Variants in CAPZA1 observed in about 807,000 individuals in gnomAD.
The protein encoded by CAPZA1 is F-actin-capping protein subunit alpha-1.
In CAPZA1, 10 loss-of-function variants were observed where a neutral mutation model predicts 40.8. The ratio of observed to expected loss-of-function variants is 0.25; its 90% confidence interval spans 0.15 to 0.42. The LOEUF (loss-of-function observed/expected upper bound fraction) is 0.42, where lower values mean the gene tolerates loss of function less well. CAPZA1 is among the 10% of genes least tolerant of loss of function. The pLI, the probability that CAPZA1 is intolerant of heterozygous loss-of-function variation, is 1.00. For synonymous variants in CAPZA1, 98 were observed against 115.0 expected (o/e 0.85, Z 0.95); for missense variants, 277 against 353.8 (o/e 0.78, Z 1.74).
chr1:112,642,202 CTTTTTTTTTTTTTTT>C lies in CAPZA1; in HGVS notation c.40-4994_40-4980del, dbSNP rs770352173. Among the ~76,000 whole-genome samples, 29 of 59,082 alleles carry C rather than the reference CTTTTTTTTTTTTTTT, an allele frequency of 4.9e-4. No individual in the cohort carries two copies. In the South Asian group the frequency reaches 0.013, roughly 26 times the overall value. The allele number at this position is 59,082 out of a possible 152,430, so 38.8% of individuals were successfully genotyped here. A position where few individuals can be genotyped will look rare whatever the true frequency, so the allele number is the denominator to read the frequency against. On this transcript the variant is annotated intron_variant, in intron 1 of 9. Coordinates refer to ENST00000263168, the MANE Select transcript of CAPZA1 (RefSeq NM_006135.3). ...ACAGCCTCTGAAGACTACCCCGCAC[CTTTTTTTTTTTTTTT>C]TTTTTTTTTTTTTGAGACAGAATCT...
intron 8 of CAPZA1, among the ~76,000 whole-genome samples, chr1:112,669,067 G>C (rs1671779022): frequency 6.6e-6 from 1 of 152,196 alleles, no homozygotes; most frequent in Non-Finnish European, 1.5e-5. Flanking sequence ...TACAAAATGT[G>C]ATTGGCTAGT....
At chr1:112,669,218 G>A (rs766302380) in intron 8 of CAPZA1, among the ~76,000 whole-genome samples, 4 of 152,188 alleles carry the variant, frequency 2.6e-5, no homozygotes, top group Non-Finnish European at 5.9e-5. Context: ...TCTTTTGGGC[G>A]TACTGTGGTA....
chr1:112,657,549 T>C (rs1167862225), intron 5 of CAPZA1, among the ~76,000 whole-genome samples: 4 of 152,164 alleles, frequency 2.6e-5, no homozygotes, highest in Non-Finnish European at 5.9e-5. Context: ...ATCAACCACT[T>C]CTAGAAATTA....
intron 7 of CAPZA1, among the ~76,000 whole-genome samples, chr1:112,662,491 C>T (rs933329237): frequency 2.0e-5 from 3 of 150,456 alleles, no homozygotes; most frequent in Non-Finnish European, 4.4e-5. Flanking sequence ...CTCCACCTCC[C>T]GGGTTCATGC....
Position 112,656,440 on chromosome 1 carries a change from A to ATTTTTTTTTTTTTTT in CAPZA1, c.426+1781_426+1795dup, listed in dbSNP as rs56343358. Among the ~76,000 whole-genome samples the ATTTTTTTTTTTTTTT allele has an allele frequency of 8.7e-5, 4 of 45,768 alleles. 1 individual carries two copies. Among genetic ancestry groups the ATTTTTTTTTTTTTTT allele is most frequent in the African/African-American group, 1.7e-4 (2 of 11,480 alleles). 30.0% of individuals were successfully genotyped at this position (45,768 alleles called of 152,430 possible). A position where few individuals can be genotyped will look rare whatever the true frequency, so the allele number is the denominator to read the frequency against. ...GTTAGGCTAGGTGTCATTATGTTTG[A>ATTTTTTTTTTTTTTT]TTTTTTTTTTTTTTTTTTTTTTTTT... On this transcript the variant is annotated intron_variant, in intron 5 of 9. Transcript: ENST00000263168.
chr1:112,664,572 C>G (rs1298460817), intron 7 of CAPZA1, among the ~76,000 whole-genome samples: 1 of 152,184 alleles, frequency 6.6e-6, no homozygotes, highest in Non-Finnish European at 1.5e-5. Context: ...TGCCTCAAGG[C>G]AAACTTCAGT....
At position 112,669,527 on chromosome 1, in the gene CAPZA1, T is replaced by C; in HGVS notation, c.658-16T>C. 6.3e-7 allele frequency: 1 copy of C among 1,592,584 alleles called. No homozygotes were observed. Among genetic ancestry groups the C allele is most frequent in the Non-Finnish European group, 8.6e-7 (1 of 1,161,392 alleles). On this transcript the variant is annotated splice_polypyrimidine_tract_variant and intron_variant, in intron 8 of 9. Coordinates refer to ENST00000263168, the MANE Select transcript of CAPZA1 (RefSeq NM_006135.3). ...AAAAAAAAATCTGATTTTCCCCTTC[T>C]TCCTTCCTTCATTAGAATGAAGCCC...
At chr1:112,662,022 T>A (rs903815115) in intron 7 of CAPZA1, among the ~76,000 whole-genome samples, 1 of 152,228 alleles carries the variant, frequency 6.6e-6, no homozygotes, top group African/African-American at 2.4e-5. Flanking sequence ...TTGATGACAA[T>A]CATGTTGAAA....
At chr1:112,638,894 C>CGATATAGA (rs1431482114) in intron 1 of CAPZA1, among the ~76,000 whole-genome samples, 1 of 104,398 alleles carries the variant, frequency 9.6e-6, no homozygotes, top group African/African-American at 5.7e-5. Context: ...CAGAGCGAGA[C>CGATATAGA]TCCATAGATA....
chr1:112,627,931 G>C (rs1212403129), intron 1 of CAPZA1, among the ~76,000 whole-genome samples: 1 of 152,084 alleles, frequency 6.6e-6, no homozygotes, highest in Non-Finnish European at 1.5e-5. Context: ...TTGCACTCCA[G>C]CCTGGGCAAC....
intron 1 of CAPZA1, among the ~76,000 whole-genome samples, chr1:112,629,002 C>T (rs535973386): frequency 6.6e-6 from 1 of 152,316 alleles, no homozygotes; most frequent in South Asian, 2.1e-4. Flanking sequence ...TGCTGTTGCT[C>T]CTGCCCAGCA....
At chr1:112,643,999 C>T (rs1246012955) in intron 1 of CAPZA1, among the ~76,000 whole-genome samples, 5 of 151,832 alleles carry the variant, frequency 3.3e-5, no homozygotes, top group Admixed American at 3.3e-4. Flanking sequence ...TGTGTGCCAC[C>T]ATGCCCGGCT....
At chr1:112,635,908 A>G (rs1671007342) in intron 1 of CAPZA1, among the ~76,000 whole-genome samples, 1 of 152,188 alleles carries the variant, frequency 6.6e-6, no homozygotes, top group Admixed American at 6.5e-5. Flanking sequence ...AGGCGCCTGT[A>G]GTCCCAGCTA....
intron 3 of CAPZA1, among the ~76,000 whole-genome samples, chr1:112,651,731 T>A (rs1267034321): frequency 6.6e-6 from 1 of 152,222 alleles, no homozygotes; most frequent in Non-Finnish European, 1.5e-5. Context: ...ATTCTACTTT[T>A]TATGAATAAA....
At chr1:112,635,670 C>T (rs1671000345) in intron 1 of CAPZA1, among the ~76,000 whole-genome samples, 1 of 151,860 alleles carries the variant, frequency 6.6e-6, no homozygotes, top group Non-Finnish European at 1.5e-5. Context: ...TCCTGACCTG[C>T]CTCGGCATCT....
chr1:112,667,256 T>C, intron 8 of CAPZA1, 111 bp downstream of exon 8: 1 of 776,448 alleles, frequency 1.3e-6, no homozygotes, highest in Middle Eastern at 3.9e-4. Flanking sequence ...TTGCTTTTAA[T>C]GTTTTGATTT....
At chr1:112,655,647 C>T (rs992294347) in intron 5 of CAPZA1, among the ~76,000 whole-genome samples, 1 of 152,064 alleles carries the variant, frequency 6.6e-6, no homozygotes, top group Non-Finnish European at 1.5e-5. Flanking sequence ...AATGTCACCT[C>T]CATCTCCTGG....
intron 1 of CAPZA1, among the ~76,000 whole-genome samples, chr1:112,621,308 C>T (rs1315000155): frequency 6.7e-6 from 1 of 148,934 alleles, no homozygotes; most frequent in Admixed American, 6.7e-5. Context: ...TTTTTTGAGA[C>T]GGAGTCTCGC....
intron 2 of CAPZA1, among the ~76,000 whole-genome samples, chr1:112,647,650 T>A (rs1415831879): frequency 6.6e-6 from 1 of 152,220 alleles, no homozygotes; most frequent in Non-Finnish European, 1.5e-5. Context: ...TATGGAACAC[T>A]TTTTTGGGCC....
Sources: allele counts gnomAD v4.1 joint callset (sites outside exome capture counted in the v4.1 genomes callset), GRCh38; gene constraint gnomAD v4.1.1; transcripts MANE v1.5; gene names NCBI Gene and HGNC (gene_info 2026-07-23, HGNC 2026-07-21).